Variants in PIK3CB observed in about 807,000 individuals in gnomAD.
PIK3CB encodes phosphatidylinositol 4,5-bisphosphate 3-kinase catalytic subunit beta isoform.
PIK3CB carries 39 observed loss-of-function variants against 136.8 expected under a neutral mutation model. The observed-to-expected ratio is 0.29, with a 90% CI of 0.22 to 0.37. PIK3CB has a LOEUF of 0.37. Ranked by LOEUF, PIK3CB falls within the 10% of genes least tolerant of loss-of-function variation. The pLI is 1.00. For synonymous variants in PIK3CB, 428 were observed against 436.6 expected (o/e 0.98, Z 0.25); for missense variants, 868 against 1,275.4 (o/e 0.68, Z 4.87).
chr3:138,829,267 TAAAATA>T (rs1181380516), intron 1 of PIK3CB, among the ~76,000 whole-genome samples: 1 of 151,948 alleles, frequency 6.6e-6, no homozygotes, highest in Non-Finnish European at 1.5e-5. Context: ...AAAAATAAAA[TAAAATA>T]AAAATAAACA....
At chr3:138,693,499 A>G (rs1364342064) in intron 14 of PIK3CB, among the ~76,000 whole-genome samples, 1 of 152,026 alleles carries the variant, frequency 6.6e-6, no homozygotes, top group Non-Finnish European at 1.5e-5. Context: ...CCTGGGTTCA[A>G]GTGATTCTTC....
At chr3:138,761,692 C>A (rs1037467340) in intron 2 of PIK3CB, among the ~76,000 whole-genome samples, 2 of 151,918 alleles carry the variant, frequency 1.3e-5, no homozygotes, top group African/African-American at 4.8e-5. Context: ...ATTGCTTGAA[C>A]CTGGGAGGCA....
intron 2 of PIK3CB, among the ~76,000 whole-genome samples, chr3:138,759,920 G>A (rs2108736361): frequency 6.6e-6 from 1 of 151,886 alleles, no homozygotes. Context: ...TTCTCTACAA[G>A]GACAATTTTT....
chr3:138,775,780 T>C (rs888478879), intron 2 of PIK3CB, among the ~76,000 whole-genome samples: 2 of 152,246 alleles, frequency 1.3e-5, no homozygotes, highest in East Asian at 1.9e-4. Flanking sequence ...GAAATCTTTA[T>C]CTGTTATGCA....
At chr3:138,658,864 C>G (rs773907547) in intron 21 of PIK3CB, among the ~76,000 whole-genome samples, 3 of 152,198 alleles carry the variant, frequency 2.0e-5, no homozygotes, top group Non-Finnish European at 4.4e-5. Context: ...AATCAAACAA[C>G]AACAAATCTA....
At chr3:138,795,401 C>T (rs987973387) in intron 2 of PIK3CB, among the ~76,000 whole-genome samples, 8 of 150,094 alleles carry the variant, frequency 5.3e-5, no homozygotes, top group Non-Finnish European at 7.4e-5. Flanking sequence ...GAGGTTGAGG[C>T]GGGCAGATCA....
intron 2 of PIK3CB, chr3:138,778,167 A>G (rs965775703): frequency 6.7e-6 from 3 of 449,706 alleles, no homozygotes; most frequent in South Asian, 1.6e-5. Flanking sequence ...TAAAAGGAGA[A>G]ACCGAAAGGG....
chr3:138,703,676 T>C (rs978925029), intron 12 of PIK3CB, among the ~76,000 whole-genome samples: 1 of 152,094 alleles, frequency 6.6e-6, no homozygotes, highest in African/African-American at 2.4e-5. Context: ...GTCAACAAAG[T>C]AACCTATTTG....
At chr3:138,658,712 C>T (rs768178307) in intron 21 of PIK3CB, among the ~76,000 whole-genome samples, 1 of 152,110 alleles carries the variant, frequency 6.6e-6, no homozygotes, top group Non-Finnish European at 1.5e-5. Context: ...TTTCTGGTTA[C>T]ATCAATATTC....
intron 23 of PIK3CB, 124 bp downstream of exon 23, chr3:138,656,018 G>T: frequency 1.1e-6 from 1 of 948,518 alleles, no homozygotes; most frequent in Non-Finnish European, 1.6e-6. Flanking sequence ...TTCCCTCCTG[G>T]CTAAGAACCA....
intron 8 of PIK3CB, among the ~76,000 whole-genome samples, chr3:138,728,392 T>C (rs1287365101): frequency 6.6e-6 from 1 of 152,118 alleles, no homozygotes; most frequent in African/African-American, 2.4e-5. Context: ...AACAAAATAT[T>C]AATAAGTCAA....
At chr3:138,825,836 T>C in intron 1 of PIK3CB, 1 of 1,209,124 alleles carries the variant, frequency 8.3e-7, no homozygotes, top group Non-Finnish European at 1.2e-6. Context: ...CCATGAAGCT[T>C]TGGGTGAAGC....
intron 1 of PIK3CB, chr3:138,824,957 T>G (rs113118656): frequency 5.5e-6 from 1 of 181,106 alleles, no homozygotes; most frequent in Admixed American, 5.8e-5. Context: ...CCCAGCTACT[T>G]GGGAGGCTGG....
At chr3:138,789,166 C>G (rs1047480340) in intron 2 of PIK3CB, among the ~76,000 whole-genome samples, 2 of 152,088 alleles carry the variant, frequency 1.3e-5, no homozygotes, top group African/African-American at 4.8e-5. Context: ...TGATGGCTCA[C>G]GCCTGTAATC....
intron 2 of PIK3CB, among the ~76,000 whole-genome samples, chr3:138,759,973 A>G (rs2108736661): frequency 6.6e-6 from 1 of 151,956 alleles, no homozygotes; most frequent in South Asian, 2.1e-4. Context: ...CTAGGCTGGA[A>G]TGCAGTAGTG....
chr3:138,759,218 G>T lies in PIK3CB; in HGVS notation c.126C>A (p.Ile42=), dbSNP rs751891962. 40 of 1,611,470 alleles carry T rather than the reference G, an allele frequency of 2.5e-5. No individual in the cohort carries two copies. Among genetic ancestry groups the T allele is most frequent in the Non-Finnish European group, 3.4e-5 (40 of 1,178,122 alleles). The change falls in exon 3 of 24, where the codon ATC becomes ATA. Residue 42 remains isoleucine (I), a synonymous_variant. Transcript: ENST00000674063. ...VDFLLPTGIY[I]QLEVPREATI... ...TAGCTTCCCGAGGTACCTCCAACTG[G>T]ATATAAATCCCAGTGGGCAAAAGGA...
At chr3:138,709,856 T>C (rs1175996592) in intron 10 of PIK3CB, among the ~76,000 whole-genome samples, 2 of 152,052 alleles carry the variant, frequency 1.3e-5, no homozygotes, top group Non-Finnish European at 2.9e-5. Flanking sequence ...TTTTATTGTA[T>C]TGTGAAAGTT....
rs1466231512 is a variant in PIK3CB, at chr3:138,806,286, G to A, written c.-121-9719C>T. On this transcript the variant is annotated intron_variant, in intron 1 of 23. Transcript: ENST00000674063. ...AGATCACTTGAGGTCAAAAGTTCGA[G>A]ACCAGCCTGGCCAACATGGCAAAAC... Among the ~76,000 whole-genome samples the A allele has an allele frequency of 2.6e-5, 4 of 152,236 alleles. No homozygotes were observed. In the East Asian group the frequency reaches 7.8e-4, roughly 30 times the overall value.
intron 4 of PIK3CB, among the ~76,000 whole-genome samples, chr3:138,748,692 T>C (rs2108691212): frequency 6.6e-6 from 1 of 152,298 alleles, no homozygotes; most frequent in African/African-American, 2.4e-5. Flanking sequence ...CAGATATTTT[T>C]TAAAAGTAGG....
Sources: allele counts gnomAD v4.1 joint callset (sites outside exome capture counted in the v4.1 genomes callset), GRCh38; gene constraint gnomAD v4.1.1; transcripts MANE v1.5; gene names NCBI Gene and HGNC (gene_info 2026-07-23, HGNC 2026-07-21).